The following LHFPL6 variants were observed in gnomAD, a reference collection of about 807,000 sequenced individuals.
LHFPL6 encodes the protein LHFPL tetraspan subfamily member 6, also known as LHFPL tetraspan subfamily member 6 protein.
In LHFPL6, 9 loss-of-function variants were observed where a neutral mutation model predicts 20.6. The observed-to-expected ratio is 0.44, with a 90% CI of 0.26 to 0.76. The LOEUF is 0.76. Among genes scored for constraint, LHFPL6 ranks in the 30% least tolerant of loss-of-function variants. The probability of loss-of-function intolerance (pLI) is 0.20; values close to 1 mark genes in which losing one functional copy is unlikely to be tolerated. For synonymous variants in LHFPL6, 105 were observed against 98.7 expected (o/e 1.06, Z -0.38); for missense variants, 218 against 253.5 (o/e 0.86, Z 0.95).
At chr13:39,372,941 T>C (rs1870197890) in intron 3 of LHFPL6, among the ~76,000 whole-genome samples, 1 of 152,192 alleles carries the variant, frequency 6.6e-6, no homozygotes, top group Admixed American at 6.5e-5. Flanking sequence ...GTAGCCTCCT[T>C]CCTGACTTTT....
chr13:39,471,083 A>G (rs1382784926), intron 2 of LHFPL6, among the ~76,000 whole-genome samples: 2 of 152,226 alleles, frequency 1.3e-5, no homozygotes, highest in Non-Finnish European at 2.9e-5. Context: ...GAGACAGCCA[A>G]GAAAATCAAC....
intron 3 of LHFPL6, among the ~76,000 whole-genome samples, chr13:39,344,781 GAA>G (rs1869344805): frequency 6.6e-6 from 1 of 152,122 alleles, no homozygotes; most frequent in Admixed American, 6.5e-5. Context: ...TTATAAGGTA[GAA>G]TACTAGCTCA....
At chr13:39,511,839 G>C (rs535906314) in intron 2 of LHFPL6, among the ~76,000 whole-genome samples, 4 of 152,288 alleles carry the variant, frequency 2.6e-5, no homozygotes, top group South Asian at 4.1e-4. Flanking sequence ...AACAAGTACA[G>C]AGCTATCCTT....
intron 2 of LHFPL6, among the ~76,000 whole-genome samples, chr13:39,423,380 C>A (rs963685482): frequency 3.3e-5 from 5 of 151,892 alleles, no homozygotes; most frequent in African/African-American, 7.2e-5. Flanking sequence ...TCGCAATGCA[C>A]AAAGGCAAAG....
At chr13:39,429,308 C>T (rs1871727124) in intron 2 of LHFPL6, among the ~76,000 whole-genome samples, 1 of 151,914 alleles carries the variant, frequency 6.6e-6, no homozygotes, top group African/African-American at 2.4e-5. Flanking sequence ...TATTTTGAAG[C>T]TCTATAAATA....
chr13:39,595,531 G>A (rs1258331392), intron 2 of LHFPL6, among the ~76,000 whole-genome samples: 1 of 152,180 alleles, frequency 6.6e-6, no homozygotes, highest in African/African-American at 2.4e-5. Flanking sequence ...GGCCTCAGGT[G>A]ATCGGCCTGC....
chr13:39,585,140 A>G (rs1872408793), intron 2 of LHFPL6, among the ~76,000 whole-genome samples: 1 of 152,246 alleles, frequency 6.6e-6, no homozygotes, highest in South Asian at 2.1e-4. Context: ...TAATCTCATC[A>G]TAAGATGGCA....
intron 2 of LHFPL6, among the ~76,000 whole-genome samples, chr13:39,380,694 T>C (rs758285223): frequency 2.3e-4 from 35 of 152,208 alleles, no homozygotes; most frequent in Admixed American, 3.9e-4. Flanking sequence ...GGTTTCACCA[T>C]GTTGACCAGG....
intron 2 of LHFPL6, among the ~76,000 whole-genome samples, chr13:39,489,734 G>T (rs938853322): frequency 2.0e-5 from 3 of 151,910 alleles, no homozygotes; most frequent in Non-Finnish European, 2.9e-5. Flanking sequence ...TGTATTTTTA[G>T]TAGAGACGAC....
At chr13:39,457,079 C>T (rs765782701) in intron 2 of LHFPL6, among the ~76,000 whole-genome samples, 10 of 152,056 alleles carry the variant, frequency 6.6e-5, no homozygotes, top group African/African-American at 2.2e-4. Context: ...GGATTATAGA[C>T]GTGAGCCACA....
At chr13:39,479,118 C>CATCT (rs71077302) in intron 2 of LHFPL6, among the ~76,000 whole-genome samples, 25,606 of 121,104 alleles carry the variant, frequency 0.21, 2,439 homozygotes, top group African/African-American at 0.26. Context: ...TCTATCCATC[C>CATCT]ATCTATCTAT....
intron 2 of LHFPL6, among the ~76,000 whole-genome samples, chr13:39,580,933 A>G (rs978550452): frequency 6.6e-6 from 1 of 152,232 alleles, no homozygotes; most frequent in Non-Finnish European, 1.5e-5. Flanking sequence ...ATGTGAACAC[A>G]CGAATAAAGG....
chr13:39,391,608 TCTA>T (rs1236131935), intron 2 of LHFPL6, among the ~76,000 whole-genome samples: 12 of 152,198 alleles, frequency 7.9e-5, no homozygotes, highest in Non-Finnish European at 2.9e-5. Context: ...TCTACTAACT[TCTA>T]CTAACTTTTC....
intron 2 of LHFPL6, among the ~76,000 whole-genome samples, chr13:39,454,296 T>A (rs1593318708): frequency 1.3e-5 from 2 of 152,222 alleles, no homozygotes; most frequent in South Asian, 4.1e-4. Context: ...TCTTCTGAGT[T>A]GGTGACACTC....
At chr13:39,440,995 C>G (rs903670869) in intron 2 of LHFPL6, among the ~76,000 whole-genome samples, 1 of 152,098 alleles carries the variant, frequency 6.6e-6, no homozygotes, top group Admixed American at 6.5e-5. Context: ...TCCCCCCCAG[C>G]CATGCGAAAC....
intron 2 of LHFPL6, among the ~76,000 whole-genome samples, chr13:39,576,694 G>C (rs1324092807): frequency 6.6e-6 from 1 of 151,968 alleles, no homozygotes; most frequent in African/African-American, 2.4e-5. Flanking sequence ...AGTGCAGTGG[G>C]GTGATCATGG....
intron 2 of LHFPL6, among the ~76,000 whole-genome samples, chr13:39,456,866 G>A (rs185031057): frequency 1.3e-3 from 200 of 151,232 alleles, no homozygotes; most frequent in East Asian, 8.2e-3. Context: ...GCGTGATCTC[G>A]GCTCACTGCA....
intron 2 of LHFPL6, among the ~76,000 whole-genome samples, chr13:39,380,700 C>G (rs1162984669): frequency 6.6e-6 from 1 of 152,046 alleles, no homozygotes; most frequent in Admixed American, 6.6e-5. Context: ...ACCATGTTGA[C>G]CAGGCTGATC....
chr13:39,391,467 T>C (rs927452881), intron 2 of LHFPL6, among the ~76,000 whole-genome samples: 1 of 152,182 alleles, frequency 6.6e-6, no homozygotes, highest in Non-Finnish European at 1.5e-5. Context: ...TTGTAAGGAT[T>C]ATAAGGATTT....
Sources: gnomAD v4.1 joint callset for allele counts (sites outside exome capture counted in the v4.1 genomes callset) on GRCh38, gnomAD v4.1.1 for gene constraint, MANE v1.5 for transcripts, NCBI Gene and HGNC (gene_info 2026-07-23, HGNC 2026-07-21) for gene names.